RSF1: variants seen among roughly 807,000 people sequenced by gnomAD.
RSF1 encodes remodeling and spacing factor 1.
RSF1 carries 13 observed loss-of-function variants against 145.2 expected under a neutral mutation model. The ratio of observed to expected loss-of-function variants is 0.09; its 90% confidence interval spans 0.06 to 0.14. RSF1 has a LOEUF of 0.14. Ranked by LOEUF, RSF1 falls within the 10% of genes least tolerant of loss-of-function variation. The probability of loss-of-function intolerance (pLI) is 1.00; values close to 1 mark genes in which losing one functional copy is unlikely to be tolerated. For missense variants in RSF1, 1,517 were observed against 1,718.2 expected, an observed-to-expected ratio of 0.88 and a Z score of 2.07; for synonymous variants, 577 against 592.6, an observed-to-expected ratio of 0.97 and a Z score of 0.38.
intron 1 of RSF1, among the ~76,000 whole-genome samples, chr11:77,817,529 T>A (rs1205577893): frequency 6.6e-6 from 1 of 152,218 alleles, no homozygotes; most frequent in Non-Finnish European, 1.5e-5. Flanking sequence ...CTTGAAAATT[T>A]AAACTATCAG....
At chr11:77,870,664 TA>T in the RSF1 span, among the ~76,000 whole-genome samples, 4 of 152,196 alleles carry the variant, frequency 2.6e-5, no homozygotes, top group South Asian at 8.3e-4. Context: ...ACAGAAATAA[TA>T]TATGCTCATT....
chr11:77,749,191 T>G (rs1347050359), intron 2 of RSF1, among the ~76,000 whole-genome samples: 1 of 152,196 alleles, frequency 6.6e-6, no homozygotes, highest in Non-Finnish European at 1.5e-5. Flanking sequence ...GGTAGGCAAT[T>G]TCTTTTTAGA....
intron 4 of RSF1, 94 bp downstream of exon 4, chr11:77,740,637 A>C (rs1459378613): frequency 1.8e-5 from 21 of 1,198,120 alleles, no homozygotes; most frequent in Non-Finnish European, 2.2e-5. Flanking sequence ...CACACAAAAA[A>C]CCACTTCTGT....
intron 2 of RSF1, among the ~76,000 whole-genome samples, chr11:77,748,229 C>CTT (rs1351360671): frequency 1.6e-5 from 2 of 121,320 alleles, no homozygotes; most frequent in African/African-American, 3.0e-5. Flanking sequence ...TTTTTTTTTT[C>CTT]TTTTTTTTTT....
At chr11:77,728,438 G>C (rs1467024237) in intron 4 of RSF1, among the ~76,000 whole-genome samples, 2 of 152,060 alleles carry the variant, frequency 1.3e-5, no homozygotes, top group Non-Finnish European at 2.9e-5. Context: ...CACTTTGGAG[G>C]GCGAGGCAGG....
At chr11:77,689,965 T>C (rs369482534) in intron 9 of RSF1, among the ~76,000 whole-genome samples, 7 of 151,974 alleles carry the variant, frequency 4.6e-5, no homozygotes, top group African/African-American at 1.4e-4. Flanking sequence ...AGTTCGAGAC[T>C]AGCCTGGCCA....
rs560032776 is a variant in RSF1, at chr11:77,705,526, G to A, written c.734-3031C>T. On this transcript the variant is annotated intron_variant, in intron 5 of 15. Transcript: ENST00000308488. ...AGTAGAAGACACTGAGTTGCCTGCC[G>A]ATTATCTATTCTCCTCTTCCTTTTT... Among the ~76,000 whole-genome samples, 6 of 152,256 alleles carry A rather than the reference G, an allele frequency of 3.9e-5. No individual in the cohort carries two copies. The South Asian group carries it at 8.3e-4, about 21-fold the overall frequency.
At chr11:77,819,887 G>A (rs1948832081) in intron 1 of RSF1, among the ~76,000 whole-genome samples, 3 of 152,054 alleles carry the variant, frequency 2.0e-5, no homozygotes, top group South Asian at 2.1e-4. Context: ...TCCCGTGGGG[G>A]AGGAGCAGAC....
chr11:77,732,930 C>T (rs1404117187), intron 4 of RSF1, among the ~76,000 whole-genome samples: 5 of 152,178 alleles, frequency 3.3e-5, no homozygotes, highest in Admixed American at 6.5e-5. Flanking sequence ...CTTTCACATA[C>T]AAGGAATTTT....
chr11:77,724,571 A>C (rs1445819503), intron 5 of RSF1, among the ~76,000 whole-genome samples: 2 of 152,248 alleles, frequency 1.3e-5, no homozygotes, highest in Non-Finnish European at 2.9e-5. Context: ...AAATTCTGAC[A>C]TACACTACAA....
chr11:77,871,487 C>T, the RSF1 span, among the ~76,000 whole-genome samples: 13 of 152,104 alleles, frequency 8.5e-5, no homozygotes, highest in East Asian at 1.9e-4. Context: ...TAATAATAAA[C>T]GCAGTGAGGA....
chr11:77,842,859 C>A, the RSF1 span, among the ~76,000 whole-genome samples: 1 of 152,164 alleles, frequency 6.6e-6, no homozygotes, highest in Admixed American at 6.6e-5. Context: ...CAACAGTTAC[C>A]ACTGTTAGTT....
the RSF1 span, among the ~76,000 whole-genome samples, chr11:77,854,140 G>A: frequency 2.0e-5 from 3 of 151,560 alleles, no homozygotes; most frequent in Non-Finnish European, 2.9e-5. Context: ...ACAGGCGCCC[G>A]CCACCACACC....
intron 15 of RSF1, among the ~76,000 whole-genome samples, chr11:77,671,064 C>A (rs1959511145): frequency 7.9e-6 from 1 of 125,850 alleles, no homozygotes; most frequent in Admixed American, 9.0e-5. Context: ...CAAGATCACA[C>A]CACTGCACTC....
intron 8 of RSF1, 109 bp from the exon 9 acceptor site, chr11:77,691,347 C>T (rs1960145103): frequency 1.2e-6 from 1 of 815,844 alleles, no homozygotes; most frequent in Non-Finnish European, 2.0e-6. Flanking sequence ...TAAGGGACCA[C>T]ATAGTAAGTG....
intron 15 of RSF1, among the ~76,000 whole-genome samples, chr11:77,669,087 T>C (rs1344568322): frequency 6.6e-6 from 1 of 152,184 alleles, no homozygotes; most frequent in Admixed American, 6.5e-5. Flanking sequence ...AACTTAAGTT[T>C]TTGGCAATTG....
chr11:77,789,550 C>T (rs1351028648), intron 1 of RSF1, among the ~76,000 whole-genome samples: 1 of 152,146 alleles, frequency 6.6e-6, no homozygotes, highest in Non-Finnish European at 1.5e-5. Context: ...GGCGCGAGCA[C>T]CCCCAGACTG....
intron 1 of RSF1, among the ~76,000 whole-genome samples, chr11:77,785,433 T>C (rs1948444111): frequency 6.6e-6 from 1 of 151,882 alleles, no homozygotes; most frequent in Non-Finnish European, 1.5e-5. Context: ...CTACTAAAAA[T>C]ACAAAAATTA....
chr11:77,833,883 ATTAT>A, the RSF1 span, among the ~76,000 whole-genome samples: 772 of 152,250 alleles, frequency 5.1e-3, 6 homozygotes, highest in Middle Eastern at 0.01. Context: ...TACCTTCCTA[ATTAT>A]TTATTCTGCC....
Sources: gnomAD v4.1 joint callset for allele counts (sites outside exome capture counted in the v4.1 genomes callset) on GRCh38, gnomAD v4.1.1 for gene constraint, MANE v1.5 for transcripts, NCBI Gene and HGNC (gene_info 2026-07-23, HGNC 2026-07-21) for gene names.